MALRD1: variants seen among roughly 807,000 people sequenced by gnomAD.
MALRD1 encodes MAM and LDL-receptor class A domain-containing protein 1.
A neutral mutation model predicts 242.1 loss-of-function variants in MALRD1; 247 were observed. The observed-to-expected ratio is 1.02, with a 90% CI of 0.92 to 1.13. MALRD1 has a LOEUF of 1.13. Ranked by LOEUF, MALRD1 falls within the 50% of genes most tolerant of loss-of-function variation. The pLI, the probability that MALRD1 is intolerant of heterozygous loss-of-function variation, is 0.00. For synonymous variants in MALRD1, 995 were observed against 866.6 expected (o/e 1.15, Z -2.60); for missense variants, 2,989 against 2,533.1 (o/e 1.18, Z -3.86).
intron 5 of MALRD1, among the ~76,000 whole-genome samples, chr10:19,122,055 G>T (rs773577550): frequency 1.2e-4 from 19 of 152,176 alleles, no homozygotes; most frequent in Non-Finnish European, 2.6e-4. Flanking sequence ...ACAGATACAG[G>T]CTAGAGTAAG....
intron 14 of MALRD1, among the ~76,000 whole-genome samples, chr10:19,177,555 A>G (rs35139662): frequency 0.18 from 26,708 of 152,102 alleles, 2,812 homozygotes; most frequent in Admixed American, 0.26. Flanking sequence ...AGAGAAAAGC[A>G]TAACAAATTT....
chr10:19,547,168 G>C (rs1435677842), intron 32 of MALRD1, among the ~76,000 whole-genome samples: 3 of 152,072 alleles, frequency 2.0e-5, no homozygotes, highest in Non-Finnish European at 4.4e-5. Context: ...CTTTATTTCT[G>C]ATTACTCCTA....
intron 36 of MALRD1, among the ~76,000 whole-genome samples, chr10:19,642,692 G>A (rs1840448350): frequency 6.6e-6 from 1 of 152,194 alleles, no homozygotes; most frequent in Admixed American, 6.5e-5. Flanking sequence ...CAAGTTCAGT[G>A]TGGGTAACAT....
At chr10:19,727,661 A>T (rs1835096499) in intron 38 of MALRD1, among the ~76,000 whole-genome samples, 1 of 152,098 alleles carries the variant, frequency 6.6e-6, no homozygotes, top group African/African-American at 2.4e-5. Flanking sequence ...AGGTGGTTAT[A>T]TTCTTTAGAA....
chr10:19,049,218 G>A (rs529962273), intron 1 of MALRD1, 81 bp downstream of exon 1: 7 of 1,133,906 alleles, frequency 6.2e-6, no homozygotes, highest in Non-Finnish European at 7.8e-6. Context: ...GGGAGATTTG[G>A]CTAGATACTT....
intron 38 of MALRD1, among the ~76,000 whole-genome samples, chr10:19,700,808 C>T (rs1437655985): frequency 2.6e-5 from 4 of 151,966 alleles, no homozygotes; most frequent in Non-Finnish European, 4.4e-5. Flanking sequence ...TCATTTGATC[C>T]ACACCTGCTC....
chr10:19,110,730 T>A (rs1440204852), intron 5 of MALRD1, among the ~76,000 whole-genome samples: 1 of 152,156 alleles, frequency 6.6e-6, no homozygotes, highest in Admixed American at 6.6e-5. Flanking sequence ...TAATGAGACA[T>A]CTGGTTCTTG....
intron 13 of MALRD1, among the ~76,000 whole-genome samples, chr10:19,172,062 A>G (rs955526635): frequency 2.1e-4 from 15 of 72,050 alleles, no homozygotes; most frequent in East Asian, 9.0e-4. Context: ...TATCACATAT[A>G]TGTGATATAT....
At chr10:19,088,252 T>G in intron 4 of MALRD1, 67 bp downstream of exon 4, 1 of 1,203,348 alleles carries the variant, frequency 8.3e-7, no homozygotes, top group Non-Finnish European at 1.0e-6. Context: ...TAACACCAGG[T>G]GAACTAAAAG....
chr10:19,205,051 C>A lies in MALRD1; in HGVS notation c.2364C>A (p.Phe788Leu). 1 of 1,550,740 alleles carries A rather than the reference C, an allele frequency of 6.4e-7. No homozygotes were observed. The highest frequency in any genetic ancestry group is 8.7e-7 in the Non-Finnish European group (1 of 1,147,000). ...TIQLGRLSQP[F>L]HLSLDKVSLG... ...AGCTAGGGCGCCTTTCGCAGCCCTT[C>A]CATTTGTCACTAGATAAAGTCAGTC... Residue 788 changes from phenylalanine to leucine, a missense_variant, in exon 17 of 40, where the codon TTC becomes TTA. By Grantham distance (22) the Phe-to-Leu change is conservative. Transcript: ENST00000454679.
intron 36 of MALRD1, among the ~76,000 whole-genome samples, chr10:19,646,679 A>G (rs11010907): frequency 0.51 from 77,834 of 151,982 alleles, 20,072 homozygotes; most frequent in East Asian, 0.54. Context: ...TTTATCAACA[A>G]TAGGAGGTAA....
chr10:19,596,495 C>T (rs541083380), intron 34 of MALRD1, among the ~76,000 whole-genome samples: 57 of 152,094 alleles, frequency 3.7e-4, no homozygotes, highest in African/African-American at 1.2e-3. Context: ...TTTGAAAGGC[C>T]GAGATCGGAG....
At chr10:19,494,189 T>G (rs1837616996) in intron 30 of MALRD1, among the ~76,000 whole-genome samples, 1 of 152,122 alleles carries the variant, frequency 6.6e-6, no homozygotes. Context: ...TAGCATACCC[T>G]CCATCAAACC....
At chr10:19,477,762 C>T (rs1025354164) in intron 29 of MALRD1, among the ~76,000 whole-genome samples, 5 of 152,122 alleles carry the variant, frequency 3.3e-5, no homozygotes, top group Non-Finnish European at 4.4e-5. Flanking sequence ...TTACACAGGG[C>T]CCAAGAGATT....
chr10:19,240,352 AATTT>A (rs1838703526), intron 18 of MALRD1, among the ~76,000 whole-genome samples: 1 of 151,942 alleles, frequency 6.6e-6, no homozygotes, highest in South Asian at 2.1e-4. Flanking sequence ...AACTTTACTG[AATTT>A]ATTTATTATT....
chr10:19,238,475 A>T (rs1386513267), intron 18 of MALRD1, among the ~76,000 whole-genome samples: 3 of 34,194 alleles, frequency 8.8e-5, no homozygotes, highest in Admixed American at 4.7e-4. Flanking sequence ...TATAATATAT[A>T]ATATACATTA....
At chr10:19,331,220 T>G in intron 23 of MALRD1, 149 bp from the exon 24 acceptor site, 1 of 680,634 alleles carries the variant, frequency 1.5e-6, no homozygotes, top group South Asian at 1.9e-5. Context: ...CTGGGTCACT[T>G]TCAACATAGG....
chr10:19,343,598 G>C (rs1157663818), intron 24 of MALRD1, among the ~76,000 whole-genome samples: 1 of 152,064 alleles, frequency 6.6e-6, no homozygotes, highest in Non-Finnish European at 1.5e-5. Context: ...TACAGGATGT[G>C]ACCTTTGAGA....
chr10:19,635,239 C>CA (rs1840076025), intron 36 of MALRD1, among the ~76,000 whole-genome samples: 1 of 151,994 alleles, frequency 6.6e-6, no homozygotes, highest in South Asian at 2.1e-4. Flanking sequence ...AATAAAACTC[C>CA]AAGATAGTAA....
Sources: gnomAD v4.1 joint callset for allele counts (sites outside exome capture counted in the v4.1 genomes callset) on GRCh38, gnomAD v4.1.1 for gene constraint, MANE v1.5 for transcripts, NCBI Gene and HGNC (gene_info 2026-07-23, HGNC 2026-07-21) for gene names.